The following MOV10L1 variants were observed in gnomAD, a reference collection of about 807,000 sequenced individuals.
MOV10L1 encodes RNA helicase Mov10l1.
MOV10L1 carries 110 observed loss-of-function variants against 143.8 expected under a neutral mutation model. The ratio of observed to expected loss-of-function variants is 0.76; its 90% confidence interval spans 0.66 to 0.90. MOV10L1 has a LOEUF of 0.90. Among genes scored for constraint, MOV10L1 ranks in the 40% least tolerant of loss-of-function variants. The probability of loss-of-function intolerance (pLI) is 0.00; values close to 1 mark genes in which losing one functional copy is unlikely to be tolerated. For synonymous variants in MOV10L1, 593 were observed against 581.1 expected, an observed-to-expected ratio of 1.02 and a Z score of -0.29; for missense variants, 1,406 against 1,526.8, an observed-to-expected ratio of 0.92 and a Z score of 1.32.
intron 2 of MOV10L1, among the ~76,000 whole-genome samples, chr22:50,099,230 C>T (rs1256431562): frequency 1.3e-5 from 2 of 152,168 alleles, no homozygotes; most frequent in African/African-American, 4.8e-5. Flanking sequence ...GAAACATACC[C>T]CAGAGAACCC....
intron 19 of MOV10L1, among the ~76,000 whole-genome samples, chr22:50,148,951 A>G (rs978638331): frequency 2.0e-5 from 3 of 152,228 alleles, no homozygotes; most frequent in Non-Finnish European, 2.9e-5. Context: ...GGCGTGAGCC[A>G]CTGCGCCCGA....
At chr22:50,121,564 T>C (rs2062345227) in intron 10 of MOV10L1, among the ~76,000 whole-genome samples, 1 of 152,158 alleles carries the variant, frequency 6.6e-6, no homozygotes, top group Non-Finnish European at 1.5e-5. Context: ...TAGAAACAAG[T>C]TCAGATGTGT....
In MOV10L1 at chr22:50,153,669, G is replaced by A. The variant is rs538027457; in HGVS notation, c.3066+451G>A. Among the ~76,000 whole-genome samples the A allele has an allele frequency of 9.8e-5, 15 of 152,332 alleles. No homozygotes were observed. In the East Asian group the frequency reaches 2.3e-3, roughly 24 times the overall value. On this transcript the variant is annotated intron_variant, in intron 22 of 26. Coordinates refer to ENST00000262794, the MANE Select transcript of MOV10L1 (RefSeq NM_018995.3). Reference sequence around the variant, plus strand: ...AAGGCAGCAGCTGCGATCCCGAGCCGTGCGCCTGGGGCCTGAGGAGTGACG... The same window carrying A: ...AAGGCAGCAGCTGCGATCCCGAGCCATGCGCCTGGGGCCTGAGGAGTGACG...
chr22:50,122,773 T>TTTTATTTA (rs932245637), intron 10 of MOV10L1, among the ~76,000 whole-genome samples: 1 of 142,844 alleles, frequency 7.0e-6, no homozygotes, highest in Non-Finnish European at 1.5e-5. Flanking sequence ...TTTTTCTCTT[T>TTTTATTTA]TTTATTTATT....
rs750519145 is a variant in MOV10L1, at chr22:50,099,480, G to A, written c.320G>A (p.Arg107Lys). 7.6e-5 allele frequency: 123 copies of A among 1,614,068 alleles called. No homozygotes were observed. Among genetic ancestry groups the A allele is most frequent in the Non-Finnish European group, 9.6e-5 (113 of 1,180,028 alleles). The change falls in exon 3 of 27, where the codon AGA becomes AAA. Residue 107 changes from arginine to lysine, a missense_variant. Physicochemically the swap from Arg to Lys is conservative, Grantham distance 26. Transcript: ENST00000262794. ...AVSDKWEDDS[R>K]NHGSPSDCGP... ...TCTGATAAGTGGGAAGACGACAGCA[G>A]AAACCATGGGAGTCCCTCAGACTGC...
At position 50,133,792 on chromosome 22, in the gene MOV10L1, C is replaced by T. The variant is rs542814293; in HGVS notation, c.1911-215C>T. Reference sequence around the variant, plus strand: ...CTCCTGACCTCAGGTGATCCACCCACCTCGGCCTCCCAAAGTGCTGGGATT... The same window carrying T: ...CTCCTGACCTCAGGTGATCCACCCATCTCGGCCTCCCAAAGTGCTGGGATT... On this transcript the variant is annotated intron_variant, in intron 13 of 26. Coordinates refer to ENST00000262794, the MANE Select transcript of MOV10L1 (RefSeq NM_018995.3). 5.3e-5 allele frequency among the ~76,000 whole-genome samples: 8 copies of T among 152,234 alleles called. No homozygotes were observed. The East Asian group carries it at 1.4e-3, about 26-fold the overall frequency.
Position 50,149,713 on chromosome 22 carries a change from A to G in MOV10L1, c.2726A>G (p.Gln909Arg). 6.2e-7 allele frequency: 1 copy of G among 1,613,030 alleles called. No individual in the cohort carries two copies. The highest frequency in any genetic ancestry group is 8.5e-7 in the Non-Finnish European group (1 of 1,179,428). Reference protein sequence around the residue: ...PLGLMSDISGQIVLAGDPMQL... With the variant: ...PLGLMSDISGRIVLAGDPMQL... ...GGGCTGATGTCGGACATCAGTGGCC[A>G]GGTAAGTCCCGACTACTGTGTGTGC... is the stretch of plus-strand genomic sequence containing the variant. The change falls in exon 20 of 27, where the codon CAG becomes CGG. Residue 909 changes from glutamine to arginine, a missense_variant and splice_region_variant. By Grantham distance (43) the Gln-to-Arg change is conservative (BLOSUM62 1). Transcript: ENST00000262794.
At chr22:50,119,317 C>T (rs1000536632) in intron 9 of MOV10L1, among the ~76,000 whole-genome samples, 1 of 152,162 alleles carries the variant, frequency 6.6e-6, no homozygotes, top group Admixed American at 6.5e-5. Flanking sequence ...TCTGGACCTG[C>T]CCACGCGGGC....
At chr22:50,120,189 A>G (rs1402345536) in intron 9 of MOV10L1, among the ~76,000 whole-genome samples, 15 of 152,150 alleles carry the variant, frequency 9.9e-5, no homozygotes. Flanking sequence ...TAGAATGTTA[A>G]AAACAGCTGT....
intron 2 of MOV10L1, among the ~76,000 whole-genome samples, chr22:50,098,465 A>G (rs2062653565): frequency 1.3e-5 from 2 of 152,212 alleles, no homozygotes; most frequent in Non-Finnish European, 2.9e-5. Context: ...GAATTAACCT[A>G]TTAACCTAAC....
intron 1 of MOV10L1, chr22:50,090,519 C>T (rs961430833): frequency 1.9e-6 from 3 of 1,607,716 alleles, no homozygotes; most frequent in Non-Finnish European, 1.7e-6. Flanking sequence ...GGTGGTGTGT[C>T]TAGAAAGCCC....
intron 2 of MOV10L1, among the ~76,000 whole-genome samples, chr22:50,099,025 G>C (rs1333928473): frequency 6.6e-6 from 1 of 152,206 alleles, no homozygotes; most frequent in South Asian, 2.1e-4. Context: ...TAGTCATGGG[G>C]TATAATCCTT....
intron 22 of MOV10L1, among the ~76,000 whole-genome samples, chr22:50,154,811 C>G (rs1034297781): frequency 3.3e-5 from 5 of 152,216 alleles, no homozygotes; most frequent in African/African-American, 7.2e-5. Context: ...TATGTAATAT[C>G]CTTCCATACT....
At chr22:50,153,620 C>T (rs1287721184) in intron 22 of MOV10L1, among the ~76,000 whole-genome samples, 1 of 152,214 alleles carries the variant, frequency 6.6e-6, no homozygotes, top group African/African-American at 2.4e-5. Flanking sequence ...AGGGTTGGAG[C>T]TGTCAGGAGA....
chr22:50,149,854 A>C, intron 20 of MOV10L1, 140 bp downstream of exon 20: 1 of 661,524 alleles, frequency 1.5e-6, no homozygotes. Flanking sequence ...GTTGGGGGCC[A>C]TGGGTCTCTA....
intron 22 of MOV10L1, among the ~76,000 whole-genome samples, chr22:50,157,546 T>A (rs2063457676): frequency 6.6e-6 from 1 of 152,166 alleles, no homozygotes; most frequent in African/African-American, 2.4e-5. Flanking sequence ...ATCCTTTCCG[T>A]GTGGCTCTCT....
At chr22:50,131,988 G>A (rs2062691337) in intron 13 of MOV10L1, among the ~76,000 whole-genome samples, 1 of 152,194 alleles carries the variant, frequency 6.6e-6, no homozygotes, top group African/African-American at 2.4e-5. Flanking sequence ...ACTGCTTCCT[G>A]GTTCGTAGGC....
chr22:50,146,920 C>A (rs2063168042), intron 19 of MOV10L1: 2 of 727,212 alleles, frequency 2.8e-6, no homozygotes, highest in Admixed American at 2.6e-5. Flanking sequence ...ATGTATTTTA[C>A]ACTTAGAGCA....
intron 11 of MOV10L1, 65 bp from the exon 12 acceptor site, chr22:50,126,137 T>C (rs1243973055): frequency 6.8e-6 from 8 of 1,184,034 alleles, no homozygotes; most frequent in African/African-American, 1.5e-5. Flanking sequence ...TTGGATTTTA[T>C]AGGACAGCAC....
Sources: gnomAD v4.1 joint callset for allele counts (sites outside exome capture counted in the v4.1 genomes callset) on GRCh38, gnomAD v4.1.1 for gene constraint, MANE v1.5 for transcripts, NCBI Gene and HGNC (gene_info 2026-07-23, HGNC 2026-07-21) for gene names.